KLHL29: variants seen among roughly 807,000 people sequenced by gnomAD.
The protein encoded by KLHL29 is kelch-like protein 29.
In KLHL29, 21 loss-of-function variants were observed where a neutral mutation model predicts 80.4. The observed-to-expected ratio is 0.26, with a 90% CI of 0.19 to 0.38. KLHL29 has a LOEUF of 0.38. Among genes scored for constraint, KLHL29 ranks in the 10% least tolerant of loss-of-function variants. The pLI, the probability that KLHL29 is intolerant of heterozygous loss-of-function variation, is 1.00. For missense variants in KLHL29, 867 were observed against 1,223.9 expected, an observed-to-expected ratio of 0.71 and a Z score of 4.35; for synonymous variants, 511 against 526.8, an observed-to-expected ratio of 0.97 and a Z score of 0.41.
chr2:23,518,409 A>G (rs953479153), intron 2 of KLHL29, among the ~76,000 whole-genome samples: 1 of 152,206 alleles, frequency 6.6e-6, no homozygotes, highest in Non-Finnish European at 1.5e-5. Flanking sequence ...AGGGAGCAAG[A>G]GCCTGGCTGC....
At chr2:23,557,558 G>A (rs1049915000) in intron 2 of KLHL29, among the ~76,000 whole-genome samples, 1 of 152,062 alleles carries the variant, frequency 6.6e-6, no homozygotes, top group African/African-American at 2.4e-5. Flanking sequence ...GGAGGTGCGG[G>A]GTGCTGGGGC....
At chr2:23,595,439 G>A (rs1195336812) in intron 3 of KLHL29, among the ~76,000 whole-genome samples, 1 of 152,214 alleles carries the variant, frequency 6.6e-6, no homozygotes, top group African/African-American at 2.4e-5. Context: ...CCTGACCCAA[G>A]GCATAGCCCT....
At chr2:23,497,550 A>G (rs1230486068) in intron 2 of KLHL29, among the ~76,000 whole-genome samples, 1 of 152,074 alleles carries the variant, frequency 6.6e-6, no homozygotes, top group African/African-American at 2.4e-5. Context: ...ATGGACTCCA[A>G]CTCACCTCCA....
intron 3 of KLHL29, among the ~76,000 whole-genome samples, chr2:23,577,909 G>A (rs1667883970): frequency 6.6e-6 from 1 of 152,144 alleles, no homozygotes; most frequent in Non-Finnish European, 1.5e-5. Context: ...TGCTCATCCT[G>A]TCTCTGTTCG....
chr2:23,445,337 T>G (rs927458852), intron 1 of KLHL29, among the ~76,000 whole-genome samples: 1 of 152,228 alleles, frequency 6.6e-6, no homozygotes, highest in East Asian at 1.9e-4. Flanking sequence ...TTCTTATTTC[T>G]CCTTCTTTCT....
chr2:23,664,143 G>A (rs933106700), intron 5 of KLHL29, among the ~76,000 whole-genome samples: 1 of 152,154 alleles, frequency 6.6e-6, no homozygotes, highest in Non-Finnish European at 1.5e-5. Context: ...AGGAAGATCC[G>A]TAATGCCACT....
At chr2:23,564,259 G>C (rs952024481) in intron 3 of KLHL29, among the ~76,000 whole-genome samples, 26 of 152,342 alleles carry the variant, frequency 1.7e-4, no homozygotes, top group Admixed American at 1.5e-3. Context: ...CTTTGCTCCA[G>C]AGTGGCTTGA....
At chr2:23,434,018 G>A (rs925565361) in intron 1 of KLHL29, among the ~76,000 whole-genome samples, 2 of 151,992 alleles carry the variant, frequency 1.3e-5, no homozygotes, top group African/African-American at 4.8e-5. Context: ...AGTGTGTAGA[G>A]CCCTTTAAAA....
At chr2:23,664,560 C>T (rs985317758) in intron 5 of KLHL29, among the ~76,000 whole-genome samples, 2 of 152,216 alleles carry the variant, frequency 1.3e-5, no homozygotes, top group African/African-American at 4.8e-5. Flanking sequence ...TACCCAGGGC[C>T]AGGAGGCGGG....
At chr2:23,626,402 CTGGT>C (rs1437454109) in intron 3 of KLHL29, among the ~76,000 whole-genome samples, 6 of 152,216 alleles carry the variant, frequency 3.9e-5, no homozygotes, top group South Asian at 4.1e-4. Context: ...TTGGGGACCC[CTGGT>C]TTAAGCCATC....
intron 2 of KLHL29, among the ~76,000 whole-genome samples, chr2:23,526,287 A>C (rs56251230): frequency 4.3e-3 from 170 of 39,234 alleles, no homozygotes; most frequent in Non-Finnish European, 0.011. Context: ...GAAGCGTCAC[A>C]GGGGAGGGGA....
At chr2:23,702,632 A>T (rs965159488) in intron 11 of KLHL29, among the ~76,000 whole-genome samples, 3 of 152,202 alleles carry the variant, frequency 2.0e-5, no homozygotes, top group Non-Finnish European at 2.9e-5. Flanking sequence ...CCAGAAAGCT[A>T]ATATGACCTA....
intron 2 of KLHL29, among the ~76,000 whole-genome samples, chr2:23,529,040 G>A (rs1666414850): frequency 6.6e-6 from 1 of 152,178 alleles, no homozygotes; most frequent in South Asian, 2.1e-4. Flanking sequence ...CTCTCTTTGG[G>A]GATGATGCTG....
chr2:23,532,338 A>G (rs748857), intron 2 of KLHL29, among the ~76,000 whole-genome samples: 101,794 of 152,152 alleles, frequency 0.67, 34,428 homozygotes, highest in African/African-American at 0.76. Context: ...TACATAGACA[A>G]CACCGGCTCA....
At chr2:23,389,018 A>G (rs1666253893) in intron 1 of KLHL29, among the ~76,000 whole-genome samples, 1 of 103,842 alleles carries the variant, frequency 9.6e-6, no homozygotes, top group Non-Finnish European at 1.9e-5. Flanking sequence ...TTAAAATCCC[A>G]GTACTGTTAT....
chr2:23,656,480 A>T (rs922133931), intron 5 of KLHL29, among the ~76,000 whole-genome samples: 4 of 152,202 alleles, frequency 2.6e-5, no homozygotes, highest in African/African-American at 9.6e-5. Flanking sequence ...GTCAGATATC[A>T]TGTTTGCATC....
intron 2 of KLHL29, among the ~76,000 whole-genome samples, chr2:23,518,062 G>C (rs1366885783): frequency 6.6e-6 from 1 of 152,178 alleles, no homozygotes; most frequent in African/African-American, 2.4e-5. Flanking sequence ...CATCATAAAT[G>C]CTCAAGAAAG....
chr2:23,594,419 G>T (rs1347128330), intron 3 of KLHL29, among the ~76,000 whole-genome samples: 1 of 152,016 alleles, frequency 6.6e-6, no homozygotes, highest in Non-Finnish European at 1.5e-5. Context: ...CTCCTGGATT[G>T]TTCTAATCCC....
chr2:23,663,762 A>G (rs191836138), intron 5 of KLHL29, among the ~76,000 whole-genome samples: 1 of 152,360 alleles, frequency 6.6e-6, no homozygotes, highest in Admixed American at 6.5e-5. Context: ...AAATTTATGG[A>G]AAGAACAGAT....
Sources: gnomAD v4.1 joint callset for allele counts (sites outside exome capture counted in the v4.1 genomes callset) on GRCh38, gnomAD v4.1.1 for gene constraint, MANE v1.5 for transcripts, NCBI Gene and HGNC (gene_info 2026-07-23, HGNC 2026-07-21) for gene names.